Variants in S100A11 observed in about 807,000 individuals in gnomAD.
S100A11 encodes protein S100-A11.
Under a neutral mutation model 7.4 loss-of-function variants are expected in S100A11, and 5 were observed. The ratio of observed to expected loss-of-function variants is 0.68; its 90% CI spans 0.35 to 1.42. The LOEUF (loss-of-function observed/expected upper bound fraction) is 1.42, where lower values mean the gene tolerates loss of function less well. Among genes scored for constraint, S100A11 ranks in the 40% most tolerant of loss-of-function variants. S100A11 has a pLI of 0.04. For missense variants in S100A11, 96 were observed against 125.0 expected, an observed-to-expected ratio of 0.77 and a Z score of 1.11; for synonymous variants, 47 against 46.6, an observed-to-expected ratio of 1.01 and a Z score of -0.04.
chr1:152,035,135 T>A (rs1165678290), intron 1 of S100A11, among the ~76,000 whole-genome samples: 5 of 152,200 alleles, frequency 3.3e-5, no homozygotes, highest in African/African-American at 4.8e-5. Flanking sequence ...TAAATTGAAC[T>A]TTTCATTAAG....
chr1:152,032,995 G>C (rs1429839102), intron 2 of S100A11, among the ~76,000 whole-genome samples, 172 bp from the exon 3 acceptor site: 1 of 152,214 alleles, frequency 6.6e-6, no homozygotes, highest in Non-Finnish European at 1.5e-5. Flanking sequence ...TGCCTAAGGG[G>C]CAGACCTGGG....
At chr1:152,034,327 G>T (rs1656793297) in intron 1 of S100A11, among the ~76,000 whole-genome samples, 1 of 152,246 alleles carries the variant, frequency 6.6e-6, no homozygotes, top group Admixed American at 6.5e-5. Flanking sequence ...TGCAGTGGGA[G>T]ATAGAACTTT....
rs150529562 is a variant in S100A11 at position 152,036,615 on chromosome 1, T to TCCCC, written c.3+294_3+297dup. 4.7e-3 allele frequency among the ~76,000 whole-genome samples: 697 copies of TCCCC among 147,316 alleles called. 6 individuals carry two copies. Among genetic ancestry groups the TCCCC allele is most frequent in the South Asian group, 0.014 (65 of 4,580 alleles). On this transcript the variant is annotated intron_variant, in intron 1 of 2. Coordinates refer to ENST00000271638, the MANE Select transcript of S100A11 (RefSeq NM_005620.2). The stretch of plus-strand genomic sequence containing the variant: ...GCTGGAGGCAGTGACCCACGACGGG[T>TCCCC]CCCCCCCCCGCGCGGTGAGCGGCCA...
In S100A11 at chr1:152,036,916, G is replaced by A. The variant is rs564026612; in HGVS notation, c.-1C>T. The stretch of plus-strand genomic sequence containing the variant: ...GAAGAAGAAAAGTGAGGCTTACCAT[G>A]TTGGAGCTGAGCGAGGCGCGGGAGG... On this transcript the variant is annotated 5_prime_UTR_variant, in exon 1 of 3. Coordinates refer to ENST00000271638, the MANE Select transcript of S100A11 (RefSeq NM_005620.2). 6.2e-7 allele frequency: 1 copy of A among 1,612,968 alleles called. No homozygotes were observed. The highest frequency in any genetic ancestry group is 1.1e-5 in the South Asian group (1 of 91,038).
In S100A11 at chr1:152,033,210, G is replaced by A. The variant is rs1656772644; in HGVS notation, c.157-387C>T. ...GTCTCATCCTCCACTTGCCCAAGCT[G>A]CCAACACAGATACAGACTTAGAGCC... is the stretch of plus-strand genomic sequence containing the variant. On this transcript the variant is annotated intron_variant, in intron 2 of 2. Coordinates refer to ENST00000271638, the MANE Select transcript of S100A11 (RefSeq NM_005620.2). This position sits in a 1 kb window ranked among gnomAD's most constrained non-coding sequence, Gnocchi z 4.0. Among the ~76,000 whole-genome samples the A allele has an allele frequency of 1.3e-5, 2 of 152,368 alleles. No individual in the cohort carries two copies. Among genetic ancestry groups the A allele is most frequent in the South Asian group, 4.1e-4 (2 of 4,834 alleles).
rs769228544 is a variant in S100A11 at position 152,033,672 on chromosome 1, A to G, written c.132T>C (p.Asn44=). Residue 44 remains asparagine (N), a synonymous_variant, in exon 2 of 3, where the codon AAT becomes AAC. Coordinates refer to ENST00000271638, the MANE Select transcript of S100A11 (RefSeq NM_005620.2). The surrounding 1 kb of genome is among the most constrained non-coding windows in gnomAD (Gnocchi z 4.0). The part of the protein sequence containing the change: ...LSKTEFLSFM[N]TELAAFTKNQ... ...CCTTTGTGAAGGCAGCTAGTTCTGT[A>G]TTCATGAAGCTTAGGAACTCTGTCT... is the stretch of plus-strand genomic sequence containing the variant. The G allele has an allele frequency of 6.2e-7, 1 of 1,613,764 alleles. No homozygotes were observed. Among genetic ancestry groups the G allele is most frequent in the Non-Finnish European group, 8.5e-7 (1 of 1,179,822 alleles).
chr1:152,036,869 T>C (rs1355167178), intron 1 of S100A11, 44 bp downstream of exon 1: 5 of 1,562,834 alleles, frequency 3.2e-6, no homozygotes. Context: ...TTTCTTTTCT[T>C]TTTCTTTTCA....
chr1:152,033,821 A>G lies in S100A11; in HGVS notation c.4-21T>C, dbSNP rs1367080137. 1.2e-6 allele frequency: 2 copies of G among 1,612,074 alleles called. No homozygotes were observed. The highest frequency in any genetic ancestry group is 2.2e-5 in the East Asian group (1 of 44,866). On this transcript the variant is annotated intron_variant, in intron 1 of 2. Transcript: ENST00000271638. The surrounding 1 kb of genome is among the most constrained non-coding windows in gnomAD (Gnocchi z 4.0). ...TTTGCCTTTGGAGAAAAAAAATTGC[A>G]GGGCTCAGACAAGGGAAGATGTCAA...
chr1:152,034,125 C>T (rs1656790369), intron 1 of S100A11, among the ~76,000 whole-genome samples: 1 of 152,210 alleles, frequency 6.6e-6, no homozygotes, highest in Non-Finnish European at 1.5e-5. Context: ...TGGATAAATA[C>T]ATGTGTAACT....
rs1240015793 is a variant in S100A11, at chr1:152,034,371, G to C, written c.4-571C>G. ...TTGAAAATGGCTTTCATATTTAAGA[G>C]TTAGGAACCATTAATCTTAGATGTG... On this transcript the variant is annotated intron_variant, in intron 1 of 2. Coordinates refer to ENST00000271638, the MANE Select transcript of S100A11 (RefSeq NM_005620.2). Among the ~76,000 whole-genome samples the C allele has an allele frequency of 2.6e-5, 4 of 152,360 alleles. 1 individual carries two copies. The Middle Eastern group carries it at 0.014, about 518-fold the overall frequency.
chr1:152,032,922 A>G lies in S100A11; in HGVS notation c.157-99T>C. The G allele has an allele frequency of 3.2e-6, 3 of 929,616 alleles. No homozygotes were observed. The South Asian group carries it at 4.9e-5, about 15-fold the overall frequency. 57.6% of individuals were successfully genotyped at this position (929,616 alleles called of 1,614,324 possible). A position where few individuals can be genotyped will look rare whatever the true frequency, so the allele number is the denominator to read the frequency against. On this transcript the variant is annotated intron_variant, in intron 2 of 2. Coordinates refer to ENST00000271638, the MANE Select transcript of S100A11 (RefSeq NM_005620.2). Reference sequence around the variant, plus strand: ...TTCTCACAGGAGTATAAGGTACAGGATAGGGATTATTAATATTCCCATTTG... The same window carrying G: ...TTCTCACAGGAGTATAAGGTACAGGGTAGGGATTATTAATATTCCCATTTG...
chr1:152,033,903 A>G lies in S100A11; in HGVS notation c.4-103T>C. The G allele has an allele frequency of 9.6e-7, 1 of 1,041,692 alleles. No individual in the cohort carries two copies. Among genetic ancestry groups the G allele is most frequent in the African/African-American group, 1.6e-5 (1 of 62,734 alleles). The allele number at this position is 1,041,692 out of a possible 1,614,324, so 64.5% of individuals were successfully genotyped here. On this transcript the variant is annotated intron_variant, in intron 1 of 2. Transcript: ENST00000271638. The surrounding 1 kb of genome is among the most constrained non-coding windows in gnomAD (Gnocchi z 4.0). ...TTATTTCAGGTCAAAGCAGTTTCCTAAAAGACTGAGTCATTTTTTCAAGGG... is the reference window on the plus strand; with the variant it reads ...TTATTTCAGGTCAAAGCAGTTTCCTGAAAGACTGAGTCATTTTTTCAAGGG...
chr1:152,036,812 C>T, intron 1 of S100A11, 101 bp downstream of exon 1: 2 of 1,062,672 alleles, frequency 1.9e-6, no homozygotes, highest in Non-Finnish European at 2.9e-6. Flanking sequence ...CTGCCACGTC[C>T]ACACATAAGT....
chr1:152,034,069 A>T (rs1656789394), intron 1 of S100A11, among the ~76,000 whole-genome samples: 1 of 152,272 alleles, frequency 6.6e-6, no homozygotes, highest in Non-Finnish European at 1.5e-5. Context: ...TAGACTGCCT[A>T]GATGAGAGTG....
chr1:152,035,932 A>G (rs1219471791), intron 1 of S100A11, among the ~76,000 whole-genome samples: 1 of 152,218 alleles, frequency 6.6e-6, no homozygotes, highest in Non-Finnish European at 1.5e-5. Context: ...CACCCTCCGG[A>G]GCTTTCTGTC....
At chr1:152,036,890 A>G in intron 1 of S100A11, 23 bp downstream of exon 1, 2 of 1,603,106 alleles carry the variant, frequency 1.2e-6, no homozygotes, top group Non-Finnish European at 1.7e-6. Flanking sequence ...TGTAAGAAGA[A>G]GAAGAAGAAA....
intron 1 of S100A11, among the ~76,000 whole-genome samples, chr1:152,034,933 G>A (rs992643565): frequency 6.6e-6 from 1 of 152,206 alleles, no homozygotes; most frequent in Admixed American, 6.5e-5. Flanking sequence ...CACGTGCTAA[G>A]AACTGATCTG....
rs1656782611 is a variant in S100A11, at chr1:152,033,770, G to A, written c.34C>T (p.Arg12Trp). The change falls in exon 2 of 3, where the codon CGG becomes TGG. Residue 12 changes from arginine to tryptophan, a missense_variant. Arg to Trp is a moderately radical substitution (Grantham distance 101). Coordinates refer to ENST00000271638, the MANE Select transcript of S100A11 (RefSeq NM_005620.2). The surrounding 1 kb of genome is among the most constrained non-coding windows in gnomAD (Gnocchi z 4.0). ...ACAGCAATCAGGGACTCGATGCACC[G>A]CTCAGTCTCTGTAGGGCTGGAGATT... ...AKISSPTETE[R>W]CIESLIAVFQ... 8.1e-6 allele frequency: 13 copies of A among 1,613,728 alleles called. No individual in the cohort carries two copies. The highest frequency in any genetic ancestry group is 1.3e-5 in the African/African-American group (1 of 75,014).
In S100A11 at chr1:152,033,601, T is replaced by G; in HGVS notation, c.156+47A>C. On this transcript the variant is annotated intron_variant, in intron 2 of 2. Transcript: ENST00000271638. This position sits in a 1 kb window ranked among gnomAD's most constrained non-coding sequence, Gnocchi z 4.0. Reference sequence around the variant, plus strand: ...CTGGCCATTCTGCCAGGGTCTTGTTTCATGTTGTGGGTAGTTTGGGGAAGT... The same window carrying G: ...CTGGCCATTCTGCCAGGGTCTTGTTGCATGTTGTGGGTAGTTTGGGGAAGT... The G allele has an allele frequency of 6.3e-7, 1 of 1,589,536 alleles. No individual in the cohort carries two copies. The highest frequency in any genetic ancestry group is 8.6e-7 in the Non-Finnish European group (1 of 1,160,326).
Sources: allele counts gnomAD v4.1 joint callset (sites outside exome capture counted in the v4.1 genomes callset), GRCh38; gene constraint gnomAD v4.1.1; non-coding constraint Gnocchi (gnomAD v3.1); transcripts MANE v1.5; gene names NCBI Gene and HGNC (gene_info 2026-07-23, HGNC 2026-07-21).